Variants in RYR2 observed in about 807,000 individuals in gnomAD.
RYR2 encodes the protein cardiac muscle ryanodine receptor-calcium release channel.
RYR2 carries 227 observed loss-of-function variants against 601.1 expected under a neutral mutation model. The ratio of observed to expected loss-of-function variants is 0.38; its 90% CI spans 0.34 to 0.42. The LOEUF (loss-of-function observed/expected upper bound fraction) is 0.42. RYR2 is among the 10% of genes least tolerant of loss of function. RYR2 has a pLI of 1.00. For synonymous variants in RYR2, 2,223 were observed against 2,175.1 expected (o/e 1.02, Z -0.61); for missense variants, 4,646 against 6,156.5 (o/e 0.75, Z 8.21).
In RYR2 at chr1:237,794,645, C is replaced by T. The variant is rs530328649; in HGVS notation, c.13914-644C>T. On this transcript the variant is annotated intron_variant, in intron 95 of 104. Coordinates refer to ENST00000366574, the MANE Select transcript of RYR2 (RefSeq NM_001035.3). ...GTTGTAATAGTTTATATTTACTATTCGAGTGAAATCTTTTTAAAATTGTGA... is the reference window on the plus strand; with the variant it reads ...GTTGTAATAGTTTATATTTACTATTTGAGTGAAATCTTTTTAAAATTGTGA... Among the ~76,000 whole-genome samples the T allele has an allele frequency of 1.6e-3, 238 of 152,198 alleles. 2 individuals are homozygous for T. Among genetic ancestry groups the T allele is most frequent in the Non-Finnish European group, 1.6e-3 (109 of 68,020 alleles).
At chr1:237,296,059 A>C (rs1166860527) in intron 2 of RYR2, among the ~76,000 whole-genome samples, 2 of 152,242 alleles carry the variant, frequency 1.3e-5, no homozygotes, top group Admixed American at 1.3e-4. Flanking sequence ...GATAGCCAGA[A>C]GGAACCAGTC....
intron 26 of RYR2, 119 bp downstream of exon 26, chr1:237,548,709 G>A (rs1431566513): frequency 1.6e-6 from 2 of 1,243,100 alleles, no homozygotes; most frequent in Non-Finnish European, 2.2e-6. Context: ...CACATATAGT[G>A]CACATTTGGA....
chr1:237,042,497 G>T lies in RYR2; in HGVS notation c.-25G>T. On this transcript the variant is annotated 5_prime_UTR_variant, in exon 1 of 105. Coordinates refer to ENST00000366574, the MANE Select transcript of RYR2 (RefSeq NM_001035.3). Reference sequence around the variant, plus strand: ...CCGAGCTCCGCGGGGCTCGGGAGCCGGCCCCGGCGAGGAGGCGCGGAACCA... The same window carrying T: ...CCGAGCTCCGCGGGGCTCGGGAGCCTGCCCCGGCGAGGAGGCGCGGAACCA... 8.0e-7 allele frequency: 1 copy of T among 1,246,898 alleles called. No homozygotes were observed. The highest frequency in any genetic ancestry group is 1.0e-6 in the Non-Finnish European group (1 of 987,226). The allele number at this position is 1,246,898 out of a possible 1,614,324, so 77.2% of individuals were successfully genotyped here.
chr1:237,191,769 A>G (rs1679990570), intron 1 of RYR2, among the ~76,000 whole-genome samples: 1 of 152,208 alleles, frequency 6.6e-6, no homozygotes, highest in Non-Finnish European at 1.5e-5. Flanking sequence ...TACCGGTTTT[A>G]TGTGAAAAAC....
At chr1:237,343,274 T>G (rs1195823125) in intron 3 of RYR2, among the ~76,000 whole-genome samples, 1 of 149,720 alleles carries the variant, frequency 6.7e-6, no homozygotes, top group Non-Finnish European at 1.5e-5. Flanking sequence ...GATTGGACAA[T>G]GCAAAGATAA....
chr1:237,790,493 C>T (rs190297992), intron 92 of RYR2, among the ~76,000 whole-genome samples: 3 of 152,178 alleles, frequency 2.0e-5, no homozygotes, highest in Admixed American at 2.0e-4. Context: ...GTGGGCCTTC[C>T]AAATCATAAT....
intron 2 of RYR2, among the ~76,000 whole-genome samples, chr1:237,325,041 A>G (rs936078887): frequency 1.3e-5 from 2 of 152,202 alleles, no homozygotes; most frequent in African/African-American, 4.8e-5. Context: ...AGGTTAGTTC[A>G]TCAAACATCG....
At chr1:237,628,337 A>C (rs1441338671) in intron 41 of RYR2, among the ~76,000 whole-genome samples, 1 of 151,406 alleles carries the variant, frequency 6.6e-6, no homozygotes. Flanking sequence ...GTCATTTAGC[A>C]TTAGGTATAT....
chr1:237,793,608 A>G (rs1034590569), intron 94 of RYR2, among the ~76,000 whole-genome samples: 1 of 152,226 alleles, frequency 6.6e-6, no homozygotes, highest in South Asian at 2.1e-4. Flanking sequence ...AAATGATTTC[A>G]CTAGTGTAAT....
At position 237,756,429 on chromosome 1, in the gene RYR2, G is replaced by T. The variant is rs764741811; in HGVS notation, c.11245+42G>T. ...TCCCCTCACGAGTGTCTGTTCTTCA[G>T]ATTTCCTCGTTGCTCTCAAGGTCCT... On this transcript the variant is annotated intron_variant, in intron 81 of 104. Transcript: ENST00000366574. The T allele has an allele frequency of 4.6e-6, 6 of 1,316,162 alleles. No homozygotes were observed. The Admixed American group carries it at 9.4e-5, about 21-fold the overall frequency. The allele number at this position is 1,316,162 out of a possible 1,614,324, so 81.5% of individuals were successfully genotyped here.
intron 56 of RYR2, among the ~76,000 whole-genome samples, chr1:237,665,688 C>G (rs984860096): frequency 6.6e-6 from 1 of 152,114 alleles, no homozygotes. Context: ...AAAACTGACC[C>G]GTAAGTTAAG....
intron 17 of RYR2, among the ~76,000 whole-genome samples, chr1:237,483,551 T>C (rs1310723454): frequency 6.6e-6 from 1 of 152,192 alleles, no homozygotes; most frequent in Non-Finnish European, 1.5e-5. Flanking sequence ...AATAGAATAA[T>C]AATGATACCT....
chr1:237,680,405 TCCCCTGAA>T, intron 61 of RYR2, 43 bp from the exon 62 acceptor site: 1 of 1,551,362 alleles, frequency 6.4e-7, no homozygotes. Flanking sequence ...CTCCCATTCA[TCCCCTGAA>T]AGATTCCACT....
chr1:237,332,195 C>G (rs1696812269), intron 3 of RYR2, among the ~76,000 whole-genome samples: 1 of 152,108 alleles, frequency 6.6e-6, no homozygotes, highest in African/African-American at 2.4e-5. Context: ...AAGGAGTGAT[C>G]AGTTATAACG....
At chr1:237,748,686 C>T (rs1444128140) in intron 80 of RYR2, among the ~76,000 whole-genome samples, 1 of 152,174 alleles carries the variant, frequency 6.6e-6, no homozygotes, top group Non-Finnish European at 1.5e-5. Context: ...GAAAGCACAA[C>T]CCTCTATATT....
intron 38 of RYR2, 128 bp from the exon 39 acceptor site, chr1:237,623,637 C>G (rs1679335256): frequency 8.4e-6 from 5 of 597,546 alleles, no homozygotes; most frequent in Non-Finnish European, 1.5e-5. Context: ...CGTGATCTGC[C>G]CACCTCAGCC....
chr1:237,309,999 A>G (rs1305459084), intron 2 of RYR2, among the ~76,000 whole-genome samples: 2 of 152,196 alleles, frequency 1.3e-5, no homozygotes, highest in East Asian at 3.9e-4. Context: ...CTCTCCCTCC[A>G]CACCTCCCTG....
At chr1:237,135,623 G>A (rs747618163) in intron 1 of RYR2, among the ~76,000 whole-genome samples, 13 of 150,122 alleles carry the variant, frequency 8.7e-5, no homozygotes, top group Non-Finnish European at 1.5e-4. Context: ...TGATCCGCTC[G>A]CCTCAGCCTC....
intron 7 of RYR2, among the ~76,000 whole-genome samples, chr1:237,375,937 T>C (rs947506269): frequency 2.0e-5 from 3 of 152,212 alleles, no homozygotes; most frequent in Non-Finnish European, 4.4e-5. Flanking sequence ...CTGATTTCCT[T>C]ATGCTACTCT....
Sources: gnomAD v4.1 joint callset for allele counts (sites outside exome capture counted in the v4.1 genomes callset) on GRCh38, gnomAD v4.1.1 for gene constraint, MANE v1.5 for transcripts, NCBI Gene and HGNC (gene_info 2026-07-23, HGNC 2026-07-21) for gene names.